EDIL3: variants seen among roughly 807,000 people sequenced by gnomAD.
The protein encoded by EDIL3 is EGF like and discoidin domains 3.
In EDIL3, 37 loss-of-function variants were observed where a neutral mutation model predicts 67.4. The observed-to-expected ratio is 0.55, with a 90% CI of 0.42 to 0.72. The LOEUF is 0.72. Among genes scored for constraint, EDIL3 ranks in the 30% least tolerant of loss-of-function variants. EDIL3 has a pLI of 0.00. For synonymous variants in EDIL3, 195 were observed against 196.3 expected, an observed-to-expected ratio of 0.99 and a Z score of 0.05; for missense variants, 527 against 586.3, an observed-to-expected ratio of 0.90 and a Z score of 1.04.
intron 4 of EDIL3, among the ~76,000 whole-genome samples, chr5:84,159,764 TTAAC>T (rs1305280308): frequency 6.6e-6 from 1 of 152,102 alleles, no homozygotes; most frequent in Non-Finnish European, 1.5e-5. Flanking sequence ...CATGTTATCA[TTAAC>T]TAATACCTAA....
Position 84,226,507 on chromosome 5 carries a change from C to T in EDIL3, c.226+3348G>A, listed in dbSNP as rs1389601219. On this transcript the variant is annotated intron_variant, in intron 3 of 10. Transcript: ENST00000296591. ...TCTCAATCCAATTTTCATAATTATT[C>T]GTATTCCTTATGAAATCAATTATTT... 2.0e-5 allele frequency among the ~76,000 whole-genome samples: 3 copies of T among 151,750 alleles called. No individual in the cohort carries two copies. In the South Asian group the frequency reaches 6.2e-4, roughly 32 times the overall value.
chr5:84,382,593 G>C (rs1748105524), intron 1 of EDIL3, among the ~76,000 whole-genome samples: 2 of 152,214 alleles, frequency 1.3e-5, no homozygotes, highest in South Asian at 4.1e-4. Flanking sequence ...AGAAGGAGGA[G>C]AGGGGAGTGC....
chr5:84,357,505 C>A (rs950853032), intron 1 of EDIL3, among the ~76,000 whole-genome samples: 6 of 152,186 alleles, frequency 3.9e-5, no homozygotes, highest in East Asian at 3.9e-4. Context: ...TACAGACACC[C>A]TTTAAGGTTC....
chr5:84,361,200 T>C (rs1747588975), intron 1 of EDIL3, among the ~76,000 whole-genome samples: 1 of 151,606 alleles, frequency 6.6e-6, no homozygotes, highest in Admixed American at 6.6e-5. Flanking sequence ...GCTTCAAGTG[T>C]GAACAAAAAT....
chr5:84,013,231 T>C (rs2112182791), intron 9 of EDIL3, among the ~76,000 whole-genome samples: 1 of 152,064 alleles, frequency 6.6e-6, no homozygotes, highest in Admixed American at 6.6e-5. Context: ...TATATATGTA[T>C]GTATAGGACA....
intron 5 of EDIL3, among the ~76,000 whole-genome samples, chr5:84,115,155 A>G (rs1001458027): frequency 1.3e-4 from 19 of 151,264 alleles, no homozygotes; most frequent in Non-Finnish European, 2.7e-4. Context: ...GGGTGTTAAA[A>G]TCGGAAATGC....
rs1233742382 is a variant in EDIL3 at position 84,317,288 on chromosome 5, C to CA, written c.68-63077dup. ...AGCAGAACTGAAGGAGATAGAGACA[C>CA]AAAAAACCCTTCAACAAATCAATGA... On this transcript the variant is annotated intron_variant, in intron 1 of 10. Transcript: ENST00000296591. Among the ~76,000 whole-genome samples, 7 of 151,964 alleles carry CA rather than the reference C, an allele frequency of 4.6e-5. No homozygotes were observed. In the East Asian group the frequency reaches 1.2e-3, roughly 25 times the overall value.
At chr5:84,138,426 T>C (rs1297714989) in intron 4 of EDIL3, among the ~76,000 whole-genome samples, 4 of 152,176 alleles carry the variant, frequency 2.6e-5, no homozygotes, top group Admixed American at 6.5e-5. Flanking sequence ...CTACTGAGGC[T>C]CAATAAATGT....
At position 84,319,336 on chromosome 5, in the gene EDIL3, C is replaced by T. The variant is rs1343977427; in HGVS notation, c.67+64972G>A. 3.4e-4 allele frequency among the ~76,000 whole-genome samples: 38 copies of T among 110,490 alleles called. 9 individuals carry two copies. The highest frequency in any genetic ancestry group is 5.7e-4 in the Non-Finnish European group (28 of 49,432). The allele number at this position is 110,490 out of a possible 152,430, so 72.5% of individuals were successfully genotyped here. ...AAAATTAGCCGGGCGCAGTGGCGGG[C>T]GCCTGTAGTCCCAGCTACTCGGGAG... On this transcript the variant is annotated intron_variant, in intron 1 of 10. Transcript: ENST00000296591.
intron 1 of EDIL3, among the ~76,000 whole-genome samples, chr5:84,305,561 C>T (rs574795716): frequency 2.6e-5 from 4 of 152,304 alleles, no homozygotes; most frequent in African/African-American, 9.6e-5. Context: ...GCTGTGAGTT[C>T]TCCTGCTTAT....
chr5:84,021,381 G>T (rs1185232182), intron 9 of EDIL3, among the ~76,000 whole-genome samples: 1 of 151,724 alleles, frequency 6.6e-6, no homozygotes, highest in Non-Finnish European at 1.5e-5. Context: ...TCTTAGTATT[G>T]CTTTTGCCGT....
chr5:84,196,089 A>G (rs1047669454), intron 3 of EDIL3, among the ~76,000 whole-genome samples: 1 of 152,022 alleles, frequency 6.6e-6, no homozygotes, highest in Non-Finnish European at 1.5e-5. Context: ...CACCTAACTC[A>G]TTAAGAAATG....
rs79923518 is a variant in EDIL3, at chr5:83,983,278, T to C, written c.1138-19918A>G. ...TGCTCCTTGAGTGCTCCAATCATGTTTCTGTAATCTTTGCATTTTTAAAAC... is the reference window on the plus strand; with the variant it reads ...TGCTCCTTGAGTGCTCCAATCATGTCTCTGTAATCTTTGCATTTTTAAAAC... On this transcript the variant is annotated intron_variant, in intron 9 of 10. Coordinates refer to ENST00000296591, the MANE Select transcript of EDIL3 (RefSeq NM_005711.5). Among the ~76,000 whole-genome samples the C allele has an allele frequency of 4.6e-3, 707 of 152,292 alleles. 3 individuals are homozygous for C. The highest frequency in any genetic ancestry group is 8.1e-3 in the Non-Finnish European group (548 of 68,020).
chr5:84,007,080 A>C (rs1745431143), intron 9 of EDIL3, among the ~76,000 whole-genome samples: 1 of 152,160 alleles, frequency 6.6e-6, no homozygotes, highest in African/African-American at 2.4e-5. Flanking sequence ...CTGGATATCC[A>C]TATGCAGAAG....
rs369900056 is a variant in EDIL3 at position 84,056,532 on chromosome 5, A to G, written c.1137+3768T>C. Among the ~76,000 whole-genome samples, 73 of 152,240 alleles carry G rather than the reference A, an allele frequency of 4.8e-4. 1 individual carries two copies. The highest frequency in any genetic ancestry group is 1.7e-3 in the African/African-American group (72 of 41,542). ...ATACATACGAATTCCCAAAGGACACATAAGAATTTCTTAAACTATATGACA... is the reference window on the plus strand; with the variant it reads ...ATACATACGAATTCCCAAAGGACACGTAAGAATTTCTTAAACTATATGACA... On this transcript the variant is annotated intron_variant, in intron 9 of 10. Transcript: ENST00000296591.
chr5:84,335,455 T>G (rs571318471), intron 1 of EDIL3, among the ~76,000 whole-genome samples: 1 of 152,162 alleles, frequency 6.6e-6, no homozygotes, highest in Non-Finnish European at 1.5e-5. Flanking sequence ...TATTTTGTTA[T>G]ATATTTGTAT....
intron 4 of EDIL3, among the ~76,000 whole-genome samples, chr5:84,157,764 G>A (rs1580353535): frequency 1.3e-5 from 2 of 151,934 alleles, no homozygotes; most frequent in Non-Finnish European, 2.9e-5. Flanking sequence ...CTAAATTCTT[G>A]TTGGTAAATT....
At chr5:84,122,440 C>T (rs533609251) in intron 5 of EDIL3, among the ~76,000 whole-genome samples, 1 of 152,038 alleles carries the variant, frequency 6.6e-6, no homozygotes, top group African/African-American at 2.4e-5. Flanking sequence ...TATACATGTG[C>T]TATGTTGGTG....
chr5:84,295,493 T>C (rs1306150243), intron 1 of EDIL3, among the ~76,000 whole-genome samples: 1 of 152,094 alleles, frequency 6.6e-6, no homozygotes, highest in Non-Finnish European at 1.5e-5. Context: ...TATATTTAGA[T>C]ATTTTTTGAA....
Sources: gnomAD v4.1 joint callset for allele counts (sites outside exome capture counted in the v4.1 genomes callset) on GRCh38, gnomAD v4.1.1 for gene constraint, MANE v1.5 for transcripts, NCBI Gene and HGNC (gene_info 2026-07-23, HGNC 2026-07-21) for gene names.